The following TTC21B variants were observed in gnomAD, a reference collection of about 807,000 sequenced individuals.
TTC21B encodes tetratricopeptide repeat protein 21B.
Under a neutral mutation model 175.1 loss-of-function variants are expected in TTC21B, and 127 were observed. The ratio of observed to expected loss-of-function variants is 0.73; its 90% CI spans 0.63 to 0.84. The LOEUF (loss-of-function observed/expected upper bound fraction) is 0.84. Among genes scored for constraint, TTC21B ranks in the 40% least tolerant of loss-of-function variants. The pLI is 0.00. For missense variants in TTC21B, 1,561 were observed against 1,558.3 expected, an observed-to-expected ratio of 1.00 and a Z score of -0.03; for synonymous variants, 524 against 524.5, an observed-to-expected ratio of 1.00 and a Z score of 0.01.
At chr2:165,949,965 A>T (rs535687566) in intron 1 of TTC21B, 1 of 366,754 alleles carries the variant, frequency 2.7e-6, no homozygotes, top group Admixed American at 4.4e-5. Context: ...ATTTTTCCTA[A>T]GTTTTTGTTA....
At chr2:165,930,606 T>C (rs563367997) in intron 8 of TTC21B, among the ~76,000 whole-genome samples, 1 of 152,124 alleles carries the variant, frequency 6.6e-6, no homozygotes, top group East Asian at 1.9e-4. Context: ...ATAACTAGTA[T>C]GAAAAGTACA....
chr2:165,907,113 T>C (rs1038968141), intron 19 of TTC21B, among the ~76,000 whole-genome samples: 1 of 152,088 alleles, frequency 6.6e-6, no homozygotes, highest in Non-Finnish European at 1.5e-5. Context: ...AGATATAAGG[T>C]GTTTTAACAT....
At chr2:165,906,254 T>TAAAAAAAA (rs1163343694) in intron 19 of TTC21B, among the ~76,000 whole-genome samples, 7 of 45,322 alleles carry the variant, frequency 1.5e-4, no homozygotes, top group South Asian at 8.7e-4. Flanking sequence ...TTCAAGAGGC[T>TAAAAAAAA]AAAAAAAAAA....
intron 25 of TTC21B, among the ~76,000 whole-genome samples, chr2:165,885,548 C>A (rs753131075): frequency 2.0e-4 from 30 of 152,284 alleles, no homozygotes; most frequent in Admixed American, 1.3e-3. Context: ...CCTCTCCCCA[C>A]CTCAGCCCAC....
chr2:165,948,011 T>C (rs1687641076), intron 3 of TTC21B: 1 of 152,146 alleles, frequency 6.6e-6, no homozygotes, highest in South Asian at 2.1e-4. Context: ...ACTACAGCTC[T>C]CCCATGAAAA....
chr2:165,924,424 T>C (rs1047086173), intron 12 of TTC21B, 125 bp downstream of exon 12: 12 of 836,446 alleles, frequency 1.4e-5, no homozygotes, highest in Non-Finnish European at 2.2e-5. Context: ...ATTACTTATC[T>C]ATGCATATAT....
chr2:165,890,976 G>C lies in TTC21B; in HGVS notation c.2963C>G (p.Thr988Arg). ...TAGGAGATCAATCAAACGAGATAATGTCATATAATTATCTAGAAACAAATA... is the reference window on the plus strand; with the variant it reads ...TAGGAGATCAATCAAACGAGATAATCTCATATAATTATCTAGAAACAAATA... ...LLERKPDNYM[T>R]LSRLIDLLRR... Residue 988 changes from threonine (T) to arginine (R), a missense_variant, in exon 23 of 29, where the codon ACA (threonine) becomes AGA (arginine). Transcript: ENST00000243344. The C allele has an allele frequency of 6.2e-7, 1 of 1,611,204 alleles. No homozygotes were observed. Among genetic ancestry groups the C allele is most frequent in the African/African-American group, 1.3e-5 (1 of 74,918 alleles).
chr2:165,950,399 A>AT (rs1687724259), intron 1 of TTC21B, among the ~76,000 whole-genome samples: 1 of 152,142 alleles, frequency 6.6e-6, no homozygotes, highest in Non-Finnish European at 1.5e-5. Context: ...GCTGTCTACC[A>AT]TTTTTCCTAC....
At chr2:165,894,465 A>C (rs536292999) in intron 22 of TTC21B, among the ~76,000 whole-genome samples, 1 of 152,212 alleles carries the variant, frequency 6.6e-6, no homozygotes. Context: ...ATTCCAACAA[A>C]ATAGATCTGT....
Position 165,901,729 on chromosome 2 carries a change from T to G in TTC21B, c.2750A>C (p.Asp917Ala), listed in dbSNP as rs755175391. 6.2e-7 allele frequency: 1 copy of G among 1,613,816 alleles called. No homozygotes were observed. Among genetic ancestry groups the G allele is most frequent in the Non-Finnish European group, 8.5e-7 (1 of 1,179,682 alleles). The change falls in exon 20 of 29, where the codon GAT (aspartate) becomes GCT (alanine). Residue 917 changes from aspartate (D) to alanine (A), a missense_variant. Transcript: ENST00000243344. ...YREALVHCETDNKIMLELARL... is the reference protein window; with the variant it reads ...YREALVHCETANKIMLELARL... ...TTTTATAAAGGTACTGACCTTATTA[T>G]CTGTTTCGCAGTGAACCAGAGCCTC...
chr2:165,883,754 A>G (rs766521985), intron 26 of TTC21B, 40 bp downstream of exon 26: 4 of 1,497,268 alleles, frequency 2.7e-6, no homozygotes, highest in Non-Finnish European at 9.3e-7. Context: ...AGCTTATGCA[A>G]CAAAGGTCAA....
chr2:165,939,604 T>C (rs1411502097), intron 6 of TTC21B, among the ~76,000 whole-genome samples: 2 of 152,136 alleles, frequency 1.3e-5, no homozygotes, highest in African/African-American at 4.8e-5. Flanking sequence ...GACACATAAA[T>C]CATATCTATG....
Position 165,883,897 on chromosome 2 carries a change from T to C in TTC21B, c.3581A>G (p.Glu1194Gly), listed in dbSNP as rs764848148. 21 of 1,614,010 alleles carry C rather than the reference T, an allele frequency of 1.3e-5. No individual in the cohort carries two copies. Among genetic ancestry groups the C allele is most frequent in the Non-Finnish European group, 1.7e-5 (20 of 1,180,006 alleles). The stretch of plus-strand genomic sequence containing the variant: ...TAGCAGCCAACTCTTCTCAAACTCT[T>C]CAGCATCAATAGCATTCCAATTCAT... ...AKMNWNAIDA[E>G]EFEKSWLLLA... The change falls in exon 26 of 29, where the codon GAA becomes GGA. Residue 1194 changes from glutamate to glycine, a missense_variant. Coordinates refer to ENST00000243344, the MANE Select transcript of TTC21B (RefSeq NM_024753.5).
intron 25 of TTC21B, among the ~76,000 whole-genome samples, chr2:165,884,498 T>G (rs531147321): frequency 6.6e-6 from 1 of 152,310 alleles, no homozygotes; most frequent in Admixed American, 6.5e-5. Context: ...CTATTGCTTT[T>G]TTTCCCCCTC....
intron 22 of TTC21B, among the ~76,000 whole-genome samples, chr2:165,891,475 A>G (rs1685190468): frequency 6.6e-6 from 1 of 152,168 alleles, no homozygotes; most frequent in Admixed American, 6.6e-5. Flanking sequence ...TCTCTTTGAT[A>G]TGTACATGTA....
intron 11 of TTC21B, chr2:165,928,926 C>T: frequency 1.8e-6 from 1 of 549,476 alleles, no homozygotes; most frequent in Non-Finnish European, 3.3e-6. Flanking sequence ...TTATGAAATA[C>T]AAATGAATAT....
intron 18 of TTC21B, among the ~76,000 whole-genome samples, chr2:165,910,192 A>G (rs1685881778): frequency 2.0e-5 from 3 of 152,266 alleles, no homozygotes; most frequent in African/African-American, 7.2e-5. Context: ...TCACAAGGTC[A>G]GGAGATCGAG....
chr2:165,923,004 T>C (rs1256422184), intron 12 of TTC21B, among the ~76,000 whole-genome samples: 1 of 152,172 alleles, frequency 6.6e-6, no homozygotes, highest in Admixed American at 6.5e-5. Flanking sequence ...CCAAATACTG[T>C]ATGTTCTCAC....
chr2:165,886,906 T>C (rs1473666270), intron 25 of TTC21B, among the ~76,000 whole-genome samples: 1 of 152,212 alleles, frequency 6.6e-6, no homozygotes, highest in Admixed American at 6.5e-5. Flanking sequence ...ATTCAGCAGC[T>C]GTCATCCATC....
Sources: gnomAD v4.1 joint callset for allele counts (sites outside exome capture counted in the v4.1 genomes callset) on GRCh38, gnomAD v4.1.1 for gene constraint, MANE v1.5 for transcripts, NCBI Gene and HGNC (gene_info 2026-07-23, HGNC 2026-07-21) for gene names.